TXNDC8: variants seen among roughly 807,000 people sequenced by gnomAD.
The protein encoded by TXNDC8 is thioredoxin domain containing 8, also known as thioredoxin domain-containing protein 8.
TXNDC8 carries 15 observed loss-of-function variants against 12.9 expected under a neutral mutation model. That is an observed-to-expected ratio of 1.16 (90% CI 0.78 to 1.79). The LOEUF is 1.79. Among genes scored for constraint, TXNDC8 ranks in the 40% most tolerant of loss-of-function variants. The pLI, the probability that TXNDC8 is intolerant of heterozygous loss-of-function variation, is 0.00. For synonymous variants in TXNDC8, 40 were observed against 35.4 expected (o/e 1.13, Z -0.46); for missense variants, 128 against 113.2 (o/e 1.13, Z -0.59).
chr9:110,324,947 A>G (rs566374922), intron 3 of TXNDC8, among the ~76,000 whole-genome samples: 1 of 152,308 alleles, frequency 6.6e-6, no homozygotes, highest in Admixed American at 6.5e-5. Flanking sequence ...CCCCATCTCT[A>G]CTAGAAATAC....
intron 2 of TXNDC8, among the ~76,000 whole-genome samples, chr9:110,332,603 A>G (rs964938215): frequency 1.3e-5 from 2 of 152,354 alleles, no homozygotes; most frequent in African/African-American, 4.8e-5. Flanking sequence ...AATAAACTTT[A>G]CAAAAGTGAC....
downstream of TXNDC8, among the ~76,000 whole-genome samples, chr9:110,302,657 C>T (rs1365220498): frequency 6.7e-6 from 1 of 148,324 alleles, no homozygotes; most frequent in Non-Finnish European, 1.5e-5. Flanking sequence ...TTTCAATAGG[C>T]AGTAAAAGGA....
intron 3 of TXNDC8, among the ~76,000 whole-genome samples, chr9:110,305,913 G>C (rs1012369525): frequency 4.1e-5 from 6 of 146,520 alleles, no homozygotes; most frequent in African/African-American, 1.5e-4. Flanking sequence ...ACCGACTTTG[G>C]AGTGCCGCAA....
intron 3 of TXNDC8, among the ~76,000 whole-genome samples, chr9:110,306,859 C>T (rs1047518959): frequency 5.9e-5 from 9 of 152,128 alleles, no homozygotes; most frequent in Admixed American, 4.6e-4. Flanking sequence ...CTCTGGGCAT[C>T]GCAGTATTAA....
chr9:110,316,657 T>C (rs902795481), intron 3 of TXNDC8, among the ~76,000 whole-genome samples: 1 of 152,254 alleles, frequency 6.6e-6, no homozygotes, highest in Non-Finnish European at 1.5e-5. Flanking sequence ...TCTTCTCAAC[T>C]TGTTCTAATA....
intron 3 of TXNDC8, among the ~76,000 whole-genome samples, chr9:110,315,761 G>A (rs1434573682): frequency 2.1e-5 from 3 of 142,346 alleles, no homozygotes; most frequent in African/African-American, 8.0e-5. Flanking sequence ...AACCCACCTG[G>A]CTTGGCTTCC....
Position 110,326,181 on chromosome 9 carries a change from G to A in TXNDC8, c.189C>T (p.Ser63=). 6.2e-7 allele frequency: 1 copy of A among 1,613,942 alleles called. No individual in the cohort carries two copies. The highest frequency in any genetic ancestry group is 8.5e-7 in the Non-Finnish European group (1 of 1,179,908). Reference sequence around the variant, plus strand: ...GGTTACCCTGGAAACATACCTTCTGGCTTTTCTTGAACATCTGAAATGTGG... The same window carrying A: ...GGTTACCCTGGAAACATACCTTCTGACTTTTCTTGAACATCTGAAATGTGG... The change falls in exon 3 of 5, where the codon AGC becomes AGT. Residue 63 remains serine (S), a synonymous_variant. Transcript: ENST00000423740.
At chr9:110,310,192 TTG>T (rs921312480) in intron 3 of TXNDC8, among the ~76,000 whole-genome samples, 3 of 121,942 alleles carry the variant, frequency 2.5e-5, no homozygotes, top group African/African-American at 9.1e-5. Context: ...TATAGGATCT[TTG>T]TGTGTGGTGT....
chr9:110,326,356 C>G, intron 2 of TXNDC8, 116 bp from the exon 4 acceptor site: 1 of 887,436 alleles, frequency 1.1e-6, no homozygotes, highest in Non-Finnish European at 1.9e-6. Flanking sequence ...ACACCTGACA[C>G]TTTACAGACT....
rs552297405 is a variant in TXNDC8, at chr9:110,315,104, G to GT, written c.196-10573dup. On this transcript the variant is annotated intron_variant, in intron 3 of 4. Transcript: ENST00000423740. ...GCATTTGCCCATCATCCAGAGGCAG[G>GT]TTTTTTTTTGTTTTGTTTTTTTGGC... 9.4e-3 allele frequency among the ~76,000 whole-genome samples: 1,417 copies of GT among 151,294 alleles called. 26 individuals are homozygous for GT. The highest frequency in any genetic ancestry group is 0.032 in the African/African-American group (1,339 of 41,262).
At chr9:110,319,587 A>C (rs1839015625) in intron 3 of TXNDC8, among the ~76,000 whole-genome samples, 1 of 152,234 alleles carries the variant, frequency 6.6e-6, no homozygotes, top group Non-Finnish European at 1.5e-5. Flanking sequence ...CTCAACCTGC[A>C]GTTGTCTGAC....
At chr9:110,322,138 G>A (rs779080455) in intron 3 of TXNDC8, among the ~76,000 whole-genome samples, 1 of 151,744 alleles carries the variant, frequency 6.6e-6, no homozygotes, top group Non-Finnish European at 1.5e-5. Flanking sequence ...TGTACAAAAC[G>A]TTTAGAAGTA....
intron 3 of TXNDC8, among the ~76,000 whole-genome samples, chr9:110,305,389 T>C (rs571266707): frequency 3.3e-5 from 5 of 152,228 alleles, no homozygotes; most frequent in African/African-American, 1.2e-4. Flanking sequence ...CTGTGACAAA[T>C]AGTGCTACTG....
chr9:110,337,124 A>G (rs1328980216), intron 1 of TXNDC8, among the ~76,000 whole-genome samples: 3 of 152,130 alleles, frequency 2.0e-5, no homozygotes, highest in Admixed American at 6.5e-5. Context: ...TCTAAATCTG[A>G]GGCTGCTGGT....
intron 3 of TXNDC8, among the ~76,000 whole-genome samples, chr9:110,314,557 G>C (rs1056458031): frequency 1.3e-5 from 2 of 150,584 alleles, no homozygotes; most frequent in South Asian, 4.2e-4. Flanking sequence ...CTCAGCCTCC[G>C]GAGTAGCTGG....
intron 2 of TXNDC8, among the ~76,000 whole-genome samples, chr9:110,330,039 A>T (rs1839489807): frequency 6.6e-6 from 1 of 152,204 alleles, no homozygotes; most frequent in South Asian, 2.1e-4. Context: ...AAGTGGCAGC[A>T]GCCACAGCAG....
chr9:110,324,602 T>G (rs1008889739), intron 3 of TXNDC8, among the ~76,000 whole-genome samples: 5 of 152,206 alleles, frequency 3.3e-5, no homozygotes, highest in Admixed American at 3.3e-4. Flanking sequence ...TTAAAGACAT[T>G]GAGATTGCTT....
chr9:110,323,131 A>C, intron 3 of TXNDC8: 3 of 985,350 alleles, frequency 3.0e-6, no homozygotes, highest in Non-Finnish European at 3.6e-6. Flanking sequence ...AAATCTGGAG[A>C]ACAGAGATAT....
intron 3 of TXNDC8, among the ~76,000 whole-genome samples, chr9:110,322,296 C>T (rs1324766057): frequency 6.6e-6 from 1 of 151,846 alleles, no homozygotes; most frequent in Non-Finnish European, 1.5e-5. Context: ...TAATCAGAGG[C>T]TTGTTGGGTG....
Sources: gnomAD v4.1 joint callset for allele counts (sites outside exome capture counted in the v4.1 genomes callset) on GRCh38, gnomAD v4.1.1 for gene constraint, MANE v1.5 for transcripts, NCBI Gene and HGNC (gene_info 2026-07-23, HGNC 2026-07-21) for gene names.